The following MID2 variants were observed in gnomAD, a reference collection of about 807,000 sequenced individuals.
MID2 encodes the protein probable E3 ubiquitin-protein ligase MID2.
MID2 carries 13 observed loss-of-function variants against 46.1 expected under a neutral mutation model. The observed-to-expected ratio is 0.28, with a 90% CI of 0.18 to 0.45. MID2 has a LOEUF of 0.45. Among genes scored for constraint, MID2 ranks in the 20% least tolerant of loss-of-function variants. The pLI, the probability that MID2 is intolerant of heterozygous loss-of-function variation, is 1.00. For synonymous variants in MID2, 199 were observed against 212.3 expected, an observed-to-expected ratio of 0.94 and a Z score of 0.55; for missense variants, 431 against 575.4, an observed-to-expected ratio of 0.75 and a Z score of 2.57.
chrX:107,838,144 C>T (rs1023391676), intron 1 of MID2, among the ~76,000 whole-genome samples: 1 of 111,897 alleles, frequency 8.9e-6, no homozygotes, highest in Non-Finnish European at 1.9e-5. Context: ...GTGATATTCA[C>T]CAGACAGGGA....
Position 107,926,803 on chromosome X carries a change from T to A in MID2, c.1938T>A (p.Asp646Glu). 2 of 1,211,708 alleles carry A rather than the reference T, an allele frequency of 1.7e-6. No individual in the cohort carries two copies. Among genetic ancestry groups the A allele is most frequent in the Middle Eastern group, 4.6e-4 (2 of 4,354 alleles). ...ACAACAACAAGGAAATGCTGGTGGA[T>A]GTGCCCCCACACCTGAAGCGTCTGG... The part of the protein sequence containing the change: ...VRHNNKEMLV[D>E]VPPHLKRLGV... The change falls in exon 10 of 10, where the codon GAT (aspartate) becomes GAA (glutamate). Residue 646 changes from aspartate to glutamate, a missense_variant. Asp to Glu is a conservative substitution (Grantham distance 45). Coordinates refer to ENST00000262843, the MANE Select transcript of MID2 (RefSeq NM_012216.4).
intron 1 of MID2, among the ~76,000 whole-genome samples, chrX:107,828,504 G>GT (rs1931017182): frequency 9.1e-6 from 1 of 110,120 alleles, no homozygotes; most frequent in Admixed American, 9.6e-5. Flanking sequence ...TAGAGATGGC[G>GT]TTTTGCCATG....
intron 5 of MID2, among the ~76,000 whole-genome samples, chrX:107,906,062 A>G (rs1424953482): frequency 8.9e-6 from 1 of 112,172 alleles, no homozygotes; most frequent in Non-Finnish European, 1.9e-5. Context: ...TTTCTAAATT[A>G]GATGAGAGTC....
chrX:107,912,333 T>TCTCTG (rs2147868686), intron 5 of MID2, among the ~76,000 whole-genome samples: 1 of 112,300 alleles, frequency 8.9e-6, no homozygotes, highest in South Asian at 3.7e-4. Context: ...TATTTAATAA[T>TCTCTG]CTCTGCTCTC....
intron 6 of MID2, 34 bp downstream of exon 6, chrX:107,916,163 T>G: frequency 9.5e-7 from 1 of 1,051,384 alleles, no homozygotes. Flanking sequence ...TTCCATTTAA[T>G]TTTTTTTCTT....
intron 5 of MID2, among the ~76,000 whole-genome samples, chrX:107,906,910 C>T (rs1197050948): frequency 2.7e-5 from 3 of 112,438 alleles, no homozygotes; most frequent in South Asian, 7.3e-4. Flanking sequence ...TCTTCAAATA[C>T]GTGTATACTT....
intron 3 of MID2, among the ~76,000 whole-genome samples, chrX:107,888,659 C>T (rs1187115801): frequency 9.0e-6 from 1 of 111,499 alleles, no homozygotes; most frequent in African/African-American, 3.3e-5. Context: ...GAGTTCAATT[C>T]CTGGATATCC....
rs1040001825 is a variant in MID2 at position 107,826,302 on chromosome X, A to AGCGGCG, written c.-115_-110dup. 6.0e-5 allele frequency: 47 copies of AGCGGCG among 783,021 alleles called. No individual in the cohort carries two copies. Among genetic ancestry groups the AGCGGCG allele is most frequent in the Non-Finnish European group, 7.1e-5 (42 of 591,804 alleles). 64.5% of individuals were successfully genotyped at this position (783,021 alleles called of 1,213,427 possible). On this transcript the variant is annotated 5_prime_UTR_variant, in exon 1 of 10. Transcript: ENST00000262843. ...AAGGCGGGCGGCGGCCTACAGTGGT[A>AGCGGCG]GCGGCGGCGGCGGCGACCGGGGCCC... is the stretch of plus-strand genomic sequence containing the variant.
intron 5 of MID2, among the ~76,000 whole-genome samples, 186 bp from the exon 6 acceptor site, chrX:107,915,816 T>A (rs902727882): frequency 6.3e-5 from 7 of 111,442 alleles, no homozygotes; most frequent in African/African-American, 2.0e-4. Context: ...ATGGTATAAC[T>A]CTTAATTGGT....
intron 3 of MID2, among the ~76,000 whole-genome samples, chrX:107,882,404 C>T (rs1162990894): frequency 8.9e-6 from 1 of 111,878 alleles, no homozygotes; most frequent in East Asian, 2.8e-4. Context: ...AAATTACCAT[C>T]AGGGTGAACA....
intron 2 of MID2, 53 bp from the exon 3 acceptor site, chrX:107,854,555 CT>C: frequency 5.5e-6 from 5 of 903,157 alleles, no homozygotes; most frequent in Non-Finnish European, 6.4e-6. Context: ...GCTCATGGTT[CT>C]TTTTTCCCCT....
chrX:107,826,178 C>T lies in MID2; in HGVS notation c.-249C>T. 1 of 297,536 alleles carries T rather than the reference C, an allele frequency of 3.4e-6. No individual in the cohort carries two copies. 24.5% of individuals were successfully genotyped at this position (297,536 alleles called of 1,213,427 possible). A position where few individuals can be genotyped will look rare whatever the true frequency, so the allele number is the denominator to read the frequency against. The stretch of plus-strand genomic sequence containing the variant: ...AAGTTTAGCTCGGGAGGCCCAGCTG[C>T]GGTAGCATCGCGGCCGCCGTGCTGT... On this transcript the variant is annotated 5_prime_UTR_variant, in exon 1 of 10. Transcript: ENST00000262843.
intron 3 of MID2, among the ~76,000 whole-genome samples, chrX:107,886,435 A>G (rs1393532718): frequency 8.9e-6 from 1 of 111,742 alleles, no homozygotes; most frequent in Non-Finnish European, 1.9e-5. Flanking sequence ...ACAGTTGTAG[A>G]TATGCGGCAT....
At chrX:107,838,262 T>C (rs1247996567) in intron 1 of MID2, among the ~76,000 whole-genome samples, 2 of 112,127 alleles carry the variant, frequency 1.8e-5, no homozygotes, top group East Asian at 5.6e-4. Context: ...CTGAGTAATA[T>C]ATCAAATGGA....
chrX:107,861,979 G>A (rs1165358063), intron 3 of MID2, among the ~76,000 whole-genome samples: 2 of 112,205 alleles, frequency 1.8e-5, no homozygotes, highest in Non-Finnish European at 3.8e-5. Flanking sequence ...AGTCATGTTA[G>A]CTGTGCAACC....
In MID2 at chrX:107,826,443, C is replaced by T; in HGVS notation, c.4+13C>T. 9 of 1,133,704 alleles carry T rather than the reference C, an allele frequency of 7.9e-6. No homozygotes were observed. Among genetic ancestry groups the T allele is most frequent in the Middle Eastern group, 5.7e-4 (2 of 3,479 alleles). 93.4% of individuals were successfully genotyped at this position (1,133,704 alleles called of 1,213,427 possible). A position where few individuals can be genotyped will look rare whatever the true frequency, so the allele number is the denominator to read the frequency against. The stretch of plus-strand genomic sequence containing the variant: ...GGGAACGCTATGGGTAAAACGCGCC[C>T]CCTCGCCGCGGCCCTGGAGGTCGAG... On this transcript the variant is annotated intron_variant, in intron 1 of 9. Transcript: ENST00000262843.
intron 3 of MID2, among the ~76,000 whole-genome samples, chrX:107,871,760 C>T (rs1434915854): frequency 3.6e-5 from 4 of 111,025 alleles, no homozygotes; most frequent in African/African-American, 9.8e-5. Flanking sequence ...ACCGTAAAGC[C>T]GTCCCTCTGA....
intron 1 of MID2, among the ~76,000 whole-genome samples, chrX:107,839,120 A>T (rs1175045808): frequency 9.0e-6 from 1 of 111,080 alleles, no homozygotes; most frequent in Non-Finnish European, 1.9e-5. Context: ...TTGTTAAAAA[A>T]AAAAGCAAGA....
intron 2 of MID2, among the ~76,000 whole-genome samples, chrX:107,843,258 G>A (rs1035091442): frequency 5.4e-5 from 6 of 112,015 alleles, no homozygotes; most frequent in Non-Finnish European, 1.1e-4. Flanking sequence ...AAAAATCTGT[G>A]TCCATATGCA....
Sources: allele counts gnomAD v4.1 joint callset (sites outside exome capture counted in the v4.1 genomes callset), GRCh38; gene constraint gnomAD v4.1.1; transcripts MANE v1.5; gene names NCBI Gene and HGNC (gene_info 2026-07-23, HGNC 2026-07-21).